The following DENND11 variants were observed in gnomAD, a reference collection of about 807,000 sequenced individuals.
DENND11 encodes DENN domain containing 11, also known as DENN domain-containing protein 11.
Under a neutral mutation model 49.2 loss-of-function variants are expected in DENND11, and 34 were observed. The observed-to-expected ratio is 0.69, with a 90% CI of 0.53 to 0.92. DENND11 has a LOEUF of 0.92. Ranked by LOEUF, DENND11 falls within the 40% of genes least tolerant of loss-of-function variation. DENND11 has a pLI of 0.00. For missense variants in DENND11, 475 were observed against 581.6 expected, an observed-to-expected ratio of 0.82 and a Z score of 1.88; for synonymous variants, 238 against 230.3, an observed-to-expected ratio of 1.03 and a Z score of -0.30.
At chr7:141,700,407 G>A (rs1005474827) in intron 1 of DENND11, among the ~76,000 whole-genome samples, 1 of 149,666 alleles carries the variant, frequency 6.7e-6, no homozygotes. Flanking sequence ...CAGCATGTGT[G>A]ATGAACACTT....
At position 141,686,656 on chromosome 7, in the gene DENND11, T is replaced by C; in HGVS notation, c.271A>G (p.Asn91Asp). 6.2e-7 allele frequency: 1 copy of C among 1,608,876 alleles called. No individual in the cohort carries two copies. The highest frequency in any genetic ancestry group is 8.5e-7 in the Non-Finnish European group (1 of 1,176,424). The change falls in exon 2 of 9, where the codon AAC becomes GAC. Residue 91 changes from asparagine (N) to aspartate (D), a missense_variant and splice_region_variant. Physicochemically the swap from Asn to Asp is conservative, Grantham distance 23. Coordinates refer to ENST00000536163, the MANE Select transcript of DENND11 (RefSeq NM_001080392.2). ...TGAGGTAAGCACCATTCTACCATGT[T>C]TCCTGCAGGAAAAGGAAGATGCAAG... is the stretch of plus-strand genomic sequence containing the variant. ...FVVTFDPRSG[N>D]MVEWCLPQDI...
chr7:141,669,175 C>T (rs2117055815), intron 4 of DENND11, among the ~76,000 whole-genome samples: 1 of 152,200 alleles, frequency 6.6e-6, no homozygotes, highest in South Asian at 2.1e-4. Flanking sequence ...TGCTTCCTTT[C>T]CAGTTTATTT....
intron 4 of DENND11, among the ~76,000 whole-genome samples, chr7:141,671,477 G>A (rs557807909): frequency 2.3e-4 from 35 of 152,226 alleles, no homozygotes; most frequent in South Asian, 8.3e-4. Flanking sequence ...ATGCCTGGCC[G>A]TTTTTTATTT....
intron 3 of DENND11, among the ~76,000 whole-genome samples, chr7:141,682,494 G>A (rs1381003049): frequency 6.6e-6 from 1 of 152,216 alleles, no homozygotes; most frequent in African/African-American, 2.4e-5. Flanking sequence ...TGGAATATGA[G>A]AAGTGAGATA....
At chr7:141,694,559 G>A (rs1170644947) in intron 1 of DENND11, among the ~76,000 whole-genome samples, 5 of 151,970 alleles carry the variant, frequency 3.3e-5, no homozygotes, top group Non-Finnish European at 5.9e-5. Context: ...ATGTATTCAC[G>A]CCCAGCCCAT....
At position 141,701,982 on chromosome 7, in the gene DENND11, G is replaced by A; in HGVS notation, c.172C>T (p.Pro58Ser). The change falls in exon 1 of 9, where the codon CCG becomes TCG. Residue 58 changes from proline to serine, a missense_variant. Transcript: ENST00000536163. ...CGCCCGGGCTGCAGCAGCACCTCCG[G>A]GGCGGCCGGCTCCTCGGGCTCCCGC... ...RRREPEEPAA[P>S]EVLLQPGRLE... 6 of 1,158,420 alleles carry A rather than the reference G, an allele frequency of 5.2e-6. No homozygotes were observed. Among genetic ancestry groups the A allele is most frequent in the Non-Finnish European group, 6.4e-6 (6 of 941,248 alleles). 71.8% of individuals were successfully genotyped at this position (1,158,420 alleles called of 1,614,324 possible).
chr7:141,662,889 G>GGT, intron 8 of DENND11, 38 bp from the exon 9 acceptor site: 1 of 1,466,712 alleles, frequency 6.8e-7, no homozygotes, highest in Non-Finnish European at 9.1e-7. Context: ...AGGAAGCGGG[G>GGT]GGGAATAAAA....
At chr7:141,666,594 A>C (rs1159165538) in intron 4 of DENND11, among the ~76,000 whole-genome samples, 169 bp from the exon 5 acceptor site, 4 of 152,180 alleles carry the variant, frequency 2.6e-5, no homozygotes, top group Admixed American at 1.3e-4. Flanking sequence ...TAAAAGTCTT[A>C]CCTTTAAACT....
chr7:141,662,627 G>C lies in DENND11; in HGVS notation c.*29C>G, dbSNP rs1797816519. Reference sequence around the variant, plus strand: ...ACTCCGGGCTGCTGACATCCCACGTGAAGTGGCTCCCAGTCCTGTTGGCTC... The same window carrying C: ...ACTCCGGGCTGCTGACATCCCACGTCAAGTGGCTCCCAGTCCTGTTGGCTC... On this transcript the variant is annotated 3_prime_UTR_variant, in exon 9 of 9. Coordinates refer to ENST00000536163, the MANE Select transcript of DENND11 (RefSeq NM_001080392.2). 6.6e-7 allele frequency: 1 copy of C among 1,503,798 alleles called. No homozygotes were observed. Among genetic ancestry groups the C allele is most frequent in the Admixed American group, 2.3e-5 (1 of 43,642 alleles). The allele number at this position is 1,503,798 out of a possible 1,614,324, so 93.2% of individuals were successfully genotyped here.
chr7:141,681,479 T>C (rs1798145219), intron 3 of DENND11, among the ~76,000 whole-genome samples: 1 of 151,924 alleles, frequency 6.6e-6, no homozygotes, highest in Admixed American at 6.6e-5. Flanking sequence ...GACAAGGGAG[T>C]CAGCTTATTT....
At position 141,656,905 on chromosome 7, in the gene DENND11, C is replaced by CA. The variant is rs2117043959; in HGVS notation, c.*5750dup. 6.5e-6 allele frequency: 1 copy of CA among 153,118 alleles called. No individual in the cohort carries two copies. Among genetic ancestry groups the CA allele is most frequent in the African/African-American group, 2.4e-5 (1 of 41,552 alleles). The allele number at this position is 153,118 out of a possible 1,614,324, so 9.5% of individuals were successfully genotyped here. A position where few individuals can be genotyped will look rare whatever the true frequency, so the allele number is the denominator to read the frequency against. ...TTACTTTTAGCTTCAGGATTAACCC[C>CA]AGCTTTCTTTAGGCCTTAAAATTAC... On this transcript the variant is annotated 3_prime_UTR_variant, in exon 9 of 9. Coordinates refer to ENST00000536163, the MANE Select transcript of DENND11 (RefSeq NM_001080392.2).
intron 3 of DENND11, among the ~76,000 whole-genome samples, chr7:141,685,025 AAAAAAT>A (rs1334952535): frequency 3.9e-5 from 4 of 102,060 alleles, no homozygotes; most frequent in African/African-American, 1.3e-4. Flanking sequence ...AAAAAAAAAA[AAAAAAT>A]ATATATATAT....
rs781310440 is a variant in DENND11, at chr7:141,665,295, T to A, written c.844A>T (p.Asn282Tyr). ...CCCCCGATGCCAGGCAGTGAAACGTTGGCCAAGCAGCAGCAGCAGTACACT... is the reference window on the plus strand; with the variant it reads ...CCCCCGATGCCAGGCAGTGAAACGTAGGCCAAGCAGCAGCAGCAGTACACT... The part of the protein sequence containing the change: ...YRVYCCCCLA[N>Y]VSLPGIGGTI... The change falls in exon 6 of 9, where the codon AAC (asparagine) becomes TAC (tyrosine). Residue 282 changes from asparagine to tyrosine, a missense_variant. Transcript: ENST00000536163. 1 of 1,613,848 alleles carries A rather than the reference T, an allele frequency of 6.2e-7. No homozygotes were observed. The highest frequency in any genetic ancestry group is 8.5e-7 in the Non-Finnish European group (1 of 1,179,850).
At chr7:141,700,490 A>AG (rs1029485004) in intron 1 of DENND11, among the ~76,000 whole-genome samples, 27 of 151,950 alleles carry the variant, frequency 1.8e-4, no homozygotes, top group African/African-American at 3.9e-4. Flanking sequence ...AAAAAAAAAA[A>AG]AGAGAGAGAA....
At chr7:141,687,881 A>G (rs900271684) in intron 1 of DENND11, among the ~76,000 whole-genome samples, 1 of 150,848 alleles carries the variant, frequency 6.6e-6, no homozygotes, top group Admixed American at 6.6e-5. Context: ...TGATCCGCCC[A>G]CCTCAGCCTC....
intron 3 of DENND11, among the ~76,000 whole-genome samples, chr7:141,678,615 T>C (rs1423698885): frequency 2.0e-5 from 3 of 152,224 alleles, no homozygotes; most frequent in African/African-American, 7.2e-5. Context: ...ACTTTTTTCC[T>C]AGAATGTCTT....
chr7:141,669,887 G>T (rs1439912282), intron 4 of DENND11, among the ~76,000 whole-genome samples: 1 of 136,370 alleles, frequency 7.3e-6, no homozygotes, highest in Non-Finnish European at 1.5e-5. Flanking sequence ...TCGGCTCACT[G>T]CAGGCTCCGC....
chr7:141,663,553 A>AG (rs5888010), intron 8 of DENND11: 147,971 of 152,310 alleles, frequency 0.97, 71,893 homozygotes, highest in East Asian at 1. Flanking sequence ...TGTAGGTTTT[A>AG]GAAGTCCACT....
chr7:141,693,789 G>A (rs566413757), intron 1 of DENND11, among the ~76,000 whole-genome samples: 1 of 152,292 alleles, frequency 6.6e-6, no homozygotes, highest in African/African-American at 2.4e-5. Flanking sequence ...TTCTGGGAAA[G>A]GCAAAATTAT....
Sources: gnomAD v4.1 joint callset for allele counts (sites outside exome capture counted in the v4.1 genomes callset) on GRCh38, gnomAD v4.1.1 for gene constraint, MANE v1.5 for transcripts, NCBI Gene and HGNC (gene_info 2026-07-23, HGNC 2026-07-21) for gene names.